Variants in INSC observed in about 807,000 individuals in gnomAD.
The protein encoded by INSC is INSC spindle orientation adaptor protein, also known as protein inscuteable homolog.
A neutral mutation model predicts 58.6 loss-of-function variants in INSC; 67 were observed. The observed-to-expected ratio is 1.14, with a 90% confidence interval of 0.94 to 1.40. INSC has a LOEUF of 1.40. Among genes scored for constraint, INSC ranks in the 40% most tolerant of loss-of-function variants. INSC has a pLI of 0.00. For missense variants in INSC, 714 were observed against 692.0 expected, an observed-to-expected ratio of 1.03 and a Z score of -0.36; for synonymous variants, 262 against 276.1, an observed-to-expected ratio of 0.95 and a Z score of 0.51.
intron 2 of INSC, among the ~76,000 whole-genome samples, chr11:15,152,517 C>T (rs1036388641): frequency 2.6e-5 from 4 of 152,130 alleles, no homozygotes; most frequent in African/African-American, 9.7e-5. Context: ...AGGATCTTTC[C>T]CCTTTAATCA....
At chr11:15,201,160 A>C (rs1297135565) in intron 7 of INSC, among the ~76,000 whole-genome samples, 4 of 152,190 alleles carry the variant, frequency 2.6e-5, no homozygotes, top group African/African-American at 9.7e-5. Flanking sequence ...TGAGCAGGAA[A>C]GGCAGGGCTC....
At chr11:15,197,525 G>A (rs1424322604) in intron 6 of INSC, among the ~76,000 whole-genome samples, 1 of 152,204 alleles carries the variant, frequency 6.6e-6, no homozygotes, top group African/African-American at 2.4e-5. Context: ...ACAGTGTGGG[G>A]CAGTGATCTA....
chr11:15,214,439 CA>C (rs1851139442), intron 7 of INSC, among the ~76,000 whole-genome samples: 1 of 152,098 alleles, frequency 6.6e-6, no homozygotes, highest in Non-Finnish European at 1.5e-5. Context: ...ACACATAAAA[CA>C]AAAACAAAAA....
intron 2 of INSC, among the ~76,000 whole-genome samples, chr11:15,161,542 A>G (rs1197350183): frequency 6.6e-6 from 1 of 152,184 alleles, no homozygotes; most frequent in Non-Finnish European, 1.5e-5. Context: ...CACAGGAGGC[A>G]TTTTGTAGAG....
intron 1 of INSC, among the ~76,000 whole-genome samples, chr11:15,121,904 C>T (rs779729646): frequency 7.2e-5 from 11 of 152,118 alleles, no homozygotes; most frequent in African/African-American, 1.7e-4. Flanking sequence ...TTTGATGCAT[C>T]TCCATGATTC....
intron 2 of INSC, among the ~76,000 whole-genome samples, chr11:15,163,363 T>G (rs1015267852): frequency 1.1e-4 from 17 of 152,180 alleles, no homozygotes; most frequent in Admixed American, 2.0e-4. Flanking sequence ...TCTTACTATC[T>G]TACTACAGTA....
chr11:15,248,299 C>G (rs1413477797), downstream of INSC, among the ~76,000 whole-genome samples: 1 of 152,222 alleles, frequency 6.6e-6, no homozygotes, highest in Non-Finnish European at 1.5e-5. Flanking sequence ...AATACAATAA[C>G]TGTAAGTACA....
At chr11:15,156,369 G>A (rs975185009) in intron 2 of INSC, among the ~76,000 whole-genome samples, 7 of 152,182 alleles carry the variant, frequency 4.6e-5, no homozygotes, top group African/African-American at 1.7e-4. Context: ...GAGGGTTTCA[G>A]TATTAGCTAA....
intron 7 of INSC, among the ~76,000 whole-genome samples, chr11:15,206,666 A>T (rs930257171): frequency 1.5e-4 from 23 of 152,228 alleles, no homozygotes; most frequent in African/African-American, 5.3e-4. Context: ...AACTGGCATT[A>T]CCAAGGGGGA....
chr11:15,114,776 C>T (rs1288244628), upstream of INSC, among the ~76,000 whole-genome samples: 1 of 150,860 alleles, frequency 6.6e-6, no homozygotes, highest in African/African-American at 2.4e-5. Context: ...GTGGCTGACG[C>T]GGGACCAAGG....
At chr11:15,147,970 G>C (rs1177170520) in intron 1 of INSC, among the ~76,000 whole-genome samples, 1 of 152,214 alleles carries the variant, frequency 6.6e-6, no homozygotes, top group Non-Finnish European at 1.5e-5. Context: ...ATATTCCTCA[G>C]GGAGGGCTTA....
intron 9 of INSC, among the ~76,000 whole-genome samples, chr11:15,229,961 TATATATATATATATATATTATATATATA>T (rs1851799979): frequency 3.0e-5 from 1 of 33,212 alleles, no homozygotes; most frequent in Non-Finnish European, 5.4e-5. Context: ...TATATATATT[TATATATATATATATATATTATATATATA>T]TATATATATA....
At chr11:15,267,795 G>A in the INSC span, among the ~76,000 whole-genome samples, 4 of 151,906 alleles carry the variant, frequency 2.6e-5, no homozygotes, top group African/African-American at 4.8e-5. Flanking sequence ...TCTTTGCAAG[G>A]CTAATTATTG....
chr11:15,143,542 G>T (rs1253181675), intron 1 of INSC, among the ~76,000 whole-genome samples: 4 of 152,196 alleles, frequency 2.6e-5, no homozygotes, highest in African/African-American at 4.8e-5. Flanking sequence ...GTAGGCCATG[G>T]CAGGGTTTGG....
chr11:15,117,344 T>C (rs943226571), intron 1 of INSC, among the ~76,000 whole-genome samples: 2 of 152,120 alleles, frequency 1.3e-5, no homozygotes, highest in African/African-American at 2.4e-5. Context: ...GGTTCAACCA[T>C]TTTTTGAGGG....
intron 9 of INSC, 66 bp downstream of exon 9, chr11:15,225,894 C>A: frequency 6.7e-7 from 1 of 1,494,806 alleles, no homozygotes; most frequent in South Asian, 1.3e-5. Flanking sequence ...AGGAGGCCAG[C>A]ACGTAGTTTC....
chr11:15,215,059 C>A (rs1387245508), intron 7 of INSC, among the ~76,000 whole-genome samples: 1 of 152,200 alleles, frequency 6.6e-6, no homozygotes, highest in Admixed American at 6.5e-5. Flanking sequence ...TCCTCCCACT[C>A]CCTGGGAAGA....
At chr11:15,114,814 G>A, upstream of INSC, 1 of 389,136 alleles carries the variant, frequency 2.6e-6, no homozygotes, top group Non-Finnish European at 3.5e-6. Context: ...TGCTGTGGAA[G>A]GTCCTTGGGA....
chr11:15,165,480 G>A (rs1849163061), intron 2 of INSC, among the ~76,000 whole-genome samples: 1 of 152,150 alleles, frequency 6.6e-6, no homozygotes, highest in African/African-American at 2.4e-5. Context: ...AGCACTGAGT[G>A]GTTGTATAAC....
Sources: allele counts gnomAD v4.1 joint callset (sites outside exome capture counted in the v4.1 genomes callset), GRCh38; gene constraint gnomAD v4.1.1; transcripts MANE v1.5; gene names NCBI Gene and HGNC (gene_info 2026-07-23, HGNC 2026-07-21).